GDPD5: variants seen among roughly 807,000 people sequenced by gnomAD.
GDPD5 encodes the protein glycerophosphodiester phosphodiesterase 2.
Under a neutral mutation model 75.1 loss-of-function variants are expected in GDPD5, and 48 were observed. The observed-to-expected ratio is 0.64, with a 90% confidence interval of 0.51 to 0.81. The LOEUF is 0.81. GDPD5 is among the 40% of genes least tolerant of loss of function. The pLI, the probability that GDPD5 is intolerant of heterozygous loss-of-function variation, is 0.00. For missense variants in GDPD5, 706 were observed against 822.6 expected, an observed-to-expected ratio of 0.86 and a Z score of 1.73; for synonymous variants, 336 against 339.0, an observed-to-expected ratio of 0.99 and a Z score of 0.10.
intron 1 of GDPD5, among the ~76,000 whole-genome samples, chr11:75,494,347 G>A (rs1240005993): frequency 1.3e-5 from 2 of 151,656 alleles, no homozygotes; most frequent in East Asian, 3.9e-4. Flanking sequence ...CCTCCCAAGT[G>A]GCTGGGATTA....
intron 9 of GDPD5, among the ~76,000 whole-genome samples, chr11:75,447,161 G>T (rs886329549): frequency 6.6e-6 from 1 of 152,208 alleles, no homozygotes; most frequent in Non-Finnish European, 1.5e-5. Flanking sequence ...GGGATTACAA[G>T]CATGAGCCAC....
chr11:75,485,994 T>C (rs1235053175), intron 2 of GDPD5, among the ~76,000 whole-genome samples: 1 of 152,142 alleles, frequency 6.6e-6, no homozygotes, highest in Non-Finnish European at 1.5e-5. Context: ...AGCCCAGCCC[T>C]GGGATGATGG....
chr11:75,500,135 G>A (rs986791948), intron 1 of GDPD5, among the ~76,000 whole-genome samples: 75 of 152,078 alleles, frequency 4.9e-4, no homozygotes, highest in African/African-American at 1.8e-3. Flanking sequence ...CCTGGCAGAG[G>A]ACTAGGCGGG....
At chr11:75,519,404 C>T (rs889239807) in intron 1 of GDPD5, among the ~76,000 whole-genome samples, 1 of 152,194 alleles carries the variant, frequency 6.6e-6, no homozygotes, top group Non-Finnish European at 1.5e-5. Context: ...GTCCTCCCAA[C>T]CCTACCAGGC....
chr11:75,465,264 A>G (rs1272841628), intron 3 of GDPD5, among the ~76,000 whole-genome samples: 14 of 152,226 alleles, frequency 9.2e-5, no homozygotes, highest in Admixed American at 9.2e-4. Flanking sequence ...TTCCCCAAAC[A>G]GGCTCTTCAG....
chr11:75,524,530 A>G (rs1384674584), intron 1 of GDPD5, among the ~76,000 whole-genome samples: 1 of 152,212 alleles, frequency 6.6e-6, no homozygotes, highest in African/African-American at 2.4e-5. Context: ...GAGGTGAGTC[A>G]CGTGAGCCAC....
rs1171694263 is a variant in GDPD5 at position 75,525,832 on chromosome 11, C to T, written c.-767G>A. 1 of 151,438 alleles carries T rather than the reference C, an allele frequency of 6.6e-6. No homozygotes were observed. The highest frequency in any genetic ancestry group is 2.4e-5 in the African/African-American group (1 of 41,344). The allele number at this position is 151,438 out of a possible 1,614,324, so 9.4% of individuals were successfully genotyped here. A position where few individuals can be genotyped will look rare whatever the true frequency, so the allele number is the denominator to read the frequency against. On this transcript the variant is annotated 5_prime_UTR_variant, in exon 1 of 17. In the 5' UTR this introduces an upstream ATG that the reference lacks. Coordinates refer to ENST00000336898, the MANE Select transcript of GDPD5 (RefSeq NM_030792.8). The stretch of plus-strand genomic sequence containing the variant: ...TCCCGAGCTCCCGGCCGCGGCTCCA[C>T]TTCCTCCTCTTCCCCTGCTCCCTCG...
chr11:75,475,005 C>T (rs1313962953), intron 3 of GDPD5, among the ~76,000 whole-genome samples: 1 of 152,248 alleles, frequency 6.6e-6, no homozygotes, highest in Admixed American at 6.5e-5. Flanking sequence ...CTGATTTCTC[C>T]ATCTGTAAAA....
chr11:75,444,651 C>T (rs564006100), intron 9 of GDPD5, among the ~76,000 whole-genome samples, 156 bp from the exon 10 acceptor site: 1 of 152,328 alleles, frequency 6.6e-6, no homozygotes, highest in South Asian at 2.1e-4. Context: ...ACCCACTCAG[C>T]TTCTCTGAAG....
chr11:75,484,918 C>T (rs1949992575), intron 2 of GDPD5, among the ~76,000 whole-genome samples: 1 of 152,112 alleles, frequency 6.6e-6, no homozygotes, highest in Admixed American at 6.6e-5. Flanking sequence ...TGAGCAAAGG[C>T]CAATGGTCTT....
chr11:75,507,166 G>C (rs1280046635), intron 1 of GDPD5: 3 of 152,504 alleles, frequency 2.0e-5, no homozygotes, highest in African/African-American at 7.2e-5. Context: ...AATGCCAGAC[G>C]CTGCTGGGCA....
At chr11:75,478,020 C>T (rs1490907256) in intron 2 of GDPD5, among the ~76,000 whole-genome samples, 1 of 152,248 alleles carries the variant, frequency 6.6e-6, no homozygotes, top group Admixed American at 6.5e-5. Flanking sequence ...CCTCCAGCCA[C>T]TCCTGACCTC....
At chr11:75,515,612 G>A (rs941173887) in intron 1 of GDPD5, among the ~76,000 whole-genome samples, 13 of 152,314 alleles carry the variant, frequency 8.5e-5, no homozygotes, top group Admixed American at 7.8e-4. Context: ...GCTATCCCCA[G>A]AACTGTGGCA....
intron 1 of GDPD5, among the ~76,000 whole-genome samples, chr11:75,495,406 A>G (rs1283809225): frequency 6.6e-6 from 1 of 151,710 alleles, no homozygotes; most frequent in East Asian, 1.9e-4. Context: ...CAGAGGTTGC[A>G]GTGAGCTGAG....
chr11:75,456,738 C>T lies in GDPD5; in HGVS notation c.375+19G>A, dbSNP rs766422736. ...AGCTTCCCTTGCTCTCTCCCAGCCC[C>T]GGCCGAGGCGGCCCTTACCTTGTGC... On this transcript the variant is annotated intron_variant, in intron 6 of 16. Transcript: ENST00000336898. The T allele has an allele frequency of 3.0e-5, 48 of 1,613,662 alleles. No homozygotes were observed. Among genetic ancestry groups the T allele is most frequent in the South Asian group, 2.4e-4 (22 of 91,068 alleles).
intron 1 of GDPD5, among the ~76,000 whole-genome samples, chr11:75,504,937 C>T (rs919343832): frequency 6.6e-6 from 1 of 152,182 alleles, no homozygotes; most frequent in East Asian, 1.9e-4. Flanking sequence ...ACCAGCCCGA[C>T]CAACTTGGTG....
chr11:75,513,498 C>T (rs1207108872), intron 1 of GDPD5, among the ~76,000 whole-genome samples: 1 of 152,168 alleles, frequency 6.6e-6, no homozygotes, highest in Non-Finnish European at 1.5e-5. Context: ...AAACAAGTCC[C>T]ACACTTCCTC....
chr11:75,486,872 G>T (rs186331976), intron 2 of GDPD5, among the ~76,000 whole-genome samples: 1 of 152,346 alleles, frequency 6.6e-6, no homozygotes, highest in Admixed American at 6.5e-5. Flanking sequence ...GGAGAAGGAA[G>T]GGCATTTTAG....
In GDPD5 at chr11:75,449,103, G is replaced by A; in HGVS notation, c.588C>T (p.Leu196=). 1 of 1,595,908 alleles carries A rather than the reference G, an allele frequency of 6.3e-7. No individual in the cohort carries two copies. Among genetic ancestry groups the A allele is most frequent in the Non-Finnish European group, 8.5e-7 (1 of 1,171,426 alleles). The part of the protein sequence containing the change: ...AERTSSQVTI[L]CTFFTVVFAL... ...CAAACACCACGGTGAAGAAGGTACA[G>A]AGAATGGTCACCTGGGAGGCTGCAG... is the stretch of plus-strand genomic sequence containing the variant. Residue 196 remains leucine, a synonymous_variant, in exon 9 of 17, where the codon CTC becomes CTT. Coordinates refer to ENST00000336898, the MANE Select transcript of GDPD5 (RefSeq NM_030792.8).
Sources: allele counts gnomAD v4.1 joint callset (sites outside exome capture counted in the v4.1 genomes callset), GRCh38; gene constraint gnomAD v4.1.1; transcripts MANE v1.5; gene names NCBI Gene and HGNC (gene_info 2026-07-23, HGNC 2026-07-21).